Variants in SLC30A6 observed in about 807,000 individuals in gnomAD.
The protein encoded by SLC30A6 is zinc transporter 6.
Under a neutral mutation model 63.0 loss-of-function variants are expected in SLC30A6, and 55 were observed. The ratio of observed to expected loss-of-function variants is 0.87; its 90% confidence interval spans 0.70 to 1.09. The LOEUF (loss-of-function observed/expected upper bound fraction) is 1.09. SLC30A6 is among the 50% of genes least tolerant of loss of function. The probability of loss-of-function intolerance (pLI) is 0.00; values close to 1 mark genes in which losing one functional copy is unlikely to be tolerated. For missense variants in SLC30A6, 587 were observed against 549.2 expected (o/e 1.07, Z -0.69); for synonymous variants, 224 against 186.1 (o/e 1.20, Z -1.66).
chr2:32,201,845 C>G, intron 10 of SLC30A6: 1 of 1,436,634 alleles, frequency 7.0e-7, no homozygotes, highest in Non-Finnish European at 9.7e-7. Context: ...GATGAGAAAT[C>G]AGAAACAAGA....
intron 12 of SLC30A6, among the ~76,000 whole-genome samples, chr2:32,208,428 G>A (rs1393920057): frequency 6.6e-6 from 1 of 152,078 alleles, no homozygotes; most frequent in Non-Finnish European, 1.5e-5. Context: ...ACTGTGCCCA[G>A]CCTTTTGTTG....
At chr2:32,167,720 C>A (rs991871585) in intron 1 of SLC30A6, among the ~76,000 whole-genome samples, 3 of 152,032 alleles carry the variant, frequency 2.0e-5, no homozygotes, top group Admixed American at 2.0e-4. Context: ...CGAATACATA[C>A]AATAGAAACT....
At chr2:32,185,676 A>G (rs1460290135) in intron 5 of SLC30A6, among the ~76,000 whole-genome samples, 1 of 152,084 alleles carries the variant, frequency 6.6e-6, no homozygotes, top group Admixed American at 6.6e-5. Context: ...GGATTTTCAT[A>G]AATCAATCAT....
At chr2:32,177,478 G>A (rs1347148433) in intron 4 of SLC30A6, 5 of 248,608 alleles carry the variant, frequency 2.0e-5, no homozygotes, top group African/African-American at 7.1e-5. Flanking sequence ...TTTTATTAGA[G>A]ACGGGGTTTC....
intron 1 of SLC30A6, among the ~76,000 whole-genome samples, chr2:32,168,978 A>G (rs149361998): frequency 6.6e-6 from 1 of 152,144 alleles, no homozygotes; most frequent in Non-Finnish European, 1.5e-5. Context: ...GCCTCTTAGA[A>G]ACCTTGTTGA....
chr2:32,172,309 C>A lies in SLC30A6; in HGVS notation c.90+936C>A, dbSNP rs369193222. Among the ~76,000 whole-genome samples, 83 of 152,300 alleles carry A rather than the reference C, an allele frequency of 5.4e-4. No individual in the cohort carries two copies. The South Asian group carries it at 0.015, about 28-fold the overall frequency. On this transcript the variant is annotated intron_variant, in intron 2 of 13. Transcript: ENST00000282587. ...ACTCTGCCATATTTTCACTATTTTTCAACTCCGTTATCCTCATTTGCTTCC... is the reference window on the plus strand; with the variant it reads ...ACTCTGCCATATTTTCACTATTTTTAAACTCCGTTATCCTCATTTGCTTCC...
intron 7 of SLC30A6, among the ~76,000 whole-genome samples, chr2:32,193,236 T>G (rs1683494935): frequency 6.6e-6 from 1 of 152,086 alleles, no homozygotes. Context: ...CCCCTAGTCT[T>G]CTGTAATTTC....
intron 13 of SLC30A6, among the ~76,000 whole-genome samples, chr2:32,213,082 T>A (rs919379982): frequency 3.3e-5 from 5 of 151,484 alleles, no homozygotes; most frequent in Non-Finnish European, 7.4e-5. Flanking sequence ...ATCTTTTTAA[T>A]TTTTTTTGTA....
chr2:32,197,297 G>GTT (rs151324916), intron 8 of SLC30A6, 47 bp from the exon 9 acceptor site: 237 of 1,478,700 alleles, frequency 1.6e-4, no homozygotes, highest in Non-Finnish European at 1.8e-4. Context: ...TCAGGTAGTG[G>GTT]TTTTTTTTTC....
intron 13 of SLC30A6, among the ~76,000 whole-genome samples, chr2:32,214,005 T>A (rs1289266743): frequency 6.6e-6 from 1 of 152,012 alleles, no homozygotes; most frequent in Non-Finnish European, 1.5e-5. Context: ...GAGTTAAACC[T>A]TTTTATTGAT....
chr2:32,197,834 T>G lies in SLC30A6; in HGVS notation c.665+8T>G, dbSNP rs749263276. ...TATGCTCATTGAAATTAAGTGAGTATTTTTTATTGTTGTCAAGTATGTTTT... is the reference window on the plus strand; with the variant it reads ...TATGCTCATTGAAATTAAGTGAGTAGTTTTTATTGTTGTCAAGTATGTTTT... On this transcript the variant is annotated splice_region_variant and intron_variant, in intron 10 of 13. Transcript: ENST00000282587. The G allele has an allele frequency of 6.2e-7, 1 of 1,612,948 alleles. No homozygotes were observed. The highest frequency in any genetic ancestry group is 8.5e-7 in the Non-Finnish European group (1 of 1,179,492).
Position 32,173,931 on chromosome 2 carries a change from AGT to A in SLC30A6, c.91-128_91-127del, listed in dbSNP as rs1681467307. 1.2e-5 allele frequency: 7 copies of A among 562,628 alleles called. No individual in the cohort carries two copies. The East Asian group carries it at 2.1e-4, about 17-fold the overall frequency. The allele number at this position is 562,628 out of a possible 1,614,324, so 34.9% of individuals were successfully genotyped here. On this transcript the variant is annotated intron_variant, in intron 2 of 13. Coordinates refer to ENST00000282587, the MANE Select transcript of SLC30A6 (RefSeq NM_017964.5). Reference sequence around the variant, plus strand: ...GATGACAATTTTGGTAGATGTAGAAAGTGTGACACAGACTTTTTGAAGGAAGT... The same window carrying A: ...GATGACAATTTTGGTAGATGTAGAAAGTGACACAGACTTTTTGAAGGAAGT...
chr2:32,167,542 T>G (rs1256664340), intron 1 of SLC30A6, among the ~76,000 whole-genome samples: 1 of 152,188 alleles, frequency 6.6e-6, no homozygotes, highest in Non-Finnish European at 1.5e-5. Flanking sequence ...TCGGCTGTCC[T>G]TATCAGAATA....
intron 5 of SLC30A6, chr2:32,187,451 G>T: frequency 2.9e-6 from 1 of 340,684 alleles, no homozygotes; most frequent in South Asian, 2.4e-5. Context: ...ACAAGGTCGT[G>T]TAAGGACATG....
At chr2:32,220,182 A>C (rs1404034535) in intron 13 of SLC30A6, 31 bp from the exon 14 acceptor site, 2 of 1,581,904 alleles carry the variant, frequency 1.3e-6, no homozygotes, top group Non-Finnish European at 1.7e-6. Context: ...AATTCTAAGC[A>C]ATCTCTTTGT....
intron 10 of SLC30A6, chr2:32,202,810 C>CA (rs1684412943): frequency 3.9e-6 from 3 of 775,826 alleles, no homozygotes; most frequent in South Asian, 2.9e-5. Context: ...TGCAAAGTTG[C>CA]AAAAAAATGA....
Position 32,222,392 on chromosome 2 carries a change from A to G in SLC30A6, c.*1679A>G, listed in dbSNP as rs1181897253. 1 of 152,120 alleles carries G rather than the reference A, an allele frequency of 6.6e-6. No homozygotes were observed. The highest frequency in any genetic ancestry group is 1.5e-5 in the Non-Finnish European group (1 of 68,018). 9.4% of individuals were successfully genotyped at this position (152,120 alleles called of 1,614,324 possible). ...GCCATCAGCCAGCTATCTAGAGAAG[A>G]TTTTTGTTTTTCTTTTGCAACAGTT... On this transcript the variant is annotated 3_prime_UTR_variant, in exon 14 of 14. Transcript: ENST00000282587.
intron 10 of SLC30A6, among the ~76,000 whole-genome samples, chr2:32,199,342 G>A (rs1175327798): frequency 6.6e-6 from 1 of 152,154 alleles, no homozygotes; most frequent in African/African-American, 2.4e-5. Flanking sequence ...CTTTCAGTTC[G>A]TGTGGGTATA....
intron 11 of SLC30A6, among the ~76,000 whole-genome samples, chr2:32,205,655 G>A (rs930837863): frequency 8.1e-6 from 1 of 122,776 alleles, no homozygotes; most frequent in Non-Finnish European, 1.7e-5. Flanking sequence ...TGAAAAGAAT[G>A]TTACTTCTTT....
Sources: allele counts gnomAD v4.1 joint callset (sites outside exome capture counted in the v4.1 genomes callset), GRCh38; gene constraint gnomAD v4.1.1; transcripts MANE v1.5; gene names NCBI Gene and HGNC (gene_info 2026-07-23, HGNC 2026-07-21).